The following DMD variants were observed in gnomAD, a reference collection of about 807,000 sequenced individuals.
DMD encodes the protein dystrophin, also known as mutant dystrophin.
DMD carries 63 observed loss-of-function variants against 330.1 expected under a neutral mutation model. The ratio of observed to expected loss-of-function variants is 0.19; its 90% CI spans 0.16 to 0.24. The LOEUF is 0.24. Among genes scored for constraint, DMD ranks in the 10% least tolerant of loss-of-function variants. DMD has a pLI of 1.00. For synonymous variants in DMD, 1,223 were observed against 959.8 expected, an observed-to-expected ratio of 1.27 and a Z score of -5.07; for missense variants, 3,344 against 2,684.1, an observed-to-expected ratio of 1.25 and a Z score of -5.43.
At chrX:32,428,199 A>G (rs60545338) in intron 29 of DMD, among the ~76,000 whole-genome samples, 23,560 of 110,745 alleles carry the variant, frequency 0.21, 2,471 homozygotes, top group African/African-American at 0.41. Context: ...ATTAACAGGA[A>G]CCAATTAGTT....
chrX:32,878,676 C>G (rs997923936), intron 2 of DMD, among the ~76,000 whole-genome samples: 1 of 110,410 alleles, frequency 9.1e-6, no homozygotes, highest in African/African-American at 3.3e-5. Flanking sequence ...ATTTTTCCAT[C>G]TCTAATCATG....
At position 31,155,852 on chromosome X, in the gene DMD, C is replaced by T. The variant is rs758160299; in HGVS notation, c.10554-8334G>A. ...AAATTGAAAAAAATTAGCCATATGTCGTGACACATGCCTGTAGTCTCAGCT... is the reference window on the plus strand; with the variant it reads ...AAATTGAAAAAAATTAGCCATATGTTGTGACACATGCCTGTAGTCTCAGCT... On this transcript the variant is annotated intron_variant, in intron 74 of 78. Transcript: ENST00000357033. Among the ~76,000 whole-genome samples the T allele has an allele frequency of 5.5e-5, 6 of 109,945 alleles. No homozygotes were observed. In the South Asian group the frequency reaches 1.2e-3, roughly 22 times the overall value.
At position 32,844,789 on chromosome X, in the gene DMD, G is replaced by T. The variant is rs1368237586; in HGVS notation, c.258C>A (p.Asn86Lys). The change falls in exon 4 of 79, where the codon AAC (asparagine) becomes AAA (lysine). Residue 86 changes from asparagine (N) to lysine (K), a missense_variant. Coordinates refer to ENST00000357033, the MANE Select transcript of DMD (RefSeq NM_004006.3). ...NVNKALRVLQ[N>K]NNVDLVNIGS... Reference sequence around the variant, plus strand: ...TGTCCAGGGTACTACTTACATTATTGTTCTGCAAAACCCGCAGTGCCTTGT... The same window carrying T: ...TGTCCAGGGTACTACTTACATTATTTTTCTGCAAAACCCGCAGTGCCTTGT... 1 of 1,207,443 alleles carries T rather than the reference G, an allele frequency of 8.3e-7. No homozygotes were observed. Among genetic ancestry groups the T allele is most frequent in the Non-Finnish European group, 1.1e-6 (1 of 892,877 alleles).
rs146144862 is a variant in DMD at position 31,309,193 on chromosome X, C to T, written c.9224+14405G>A. On this transcript the variant is annotated intron_variant, in intron 62 of 78. Transcript: ENST00000357033. ...GATGCAAAGATGCATAAGGCACAAGCGTTGTCAGAGAGTTTACAGCTGAAC... is the reference window on the plus strand; with the variant it reads ...GATGCAAAGATGCATAAGGCACAAGTGTTGTCAGAGAGTTTACAGCTGAAC... Among the ~76,000 whole-genome samples the T allele has an allele frequency of 2.4e-3, 264 of 111,836 alleles. 2 individuals are homozygous for T. Among genetic ancestry groups the T allele is most frequent in the African/African-American group, 8.2e-3 (253 of 30,818 alleles).
chrX:33,285,702 G>A (rs768503518), intron 1 of DMD, among the ~76,000 whole-genome samples: 3 of 111,728 alleles, frequency 2.7e-5, no homozygotes, highest in South Asian at 7.5e-4. Context: ...CAAGATTGAG[G>A]CCTGATTCAA....
At chrX:32,259,923 T>C (rs2097314962) in intron 43 of DMD, among the ~76,000 whole-genome samples, 1 of 111,451 alleles carries the variant, frequency 9.0e-6, no homozygotes, top group Non-Finnish European at 1.9e-5. Context: ...TCCTTATGGG[T>C]TGGTCAAGAG....
At chrX:31,657,556 T>C (rs775166619) in intron 54 of DMD, among the ~76,000 whole-genome samples, 5 of 111,277 alleles carry the variant, frequency 4.5e-5, no homozygotes, top group African/African-American at 9.8e-5. Flanking sequence ...AATTTTCCCA[T>C]TGGGTGTGTG....
chrX:31,521,583 T>A, intron 55 of DMD, among the ~76,000 whole-genome samples: 1 of 112,142 alleles, frequency 8.9e-6, no homozygotes, highest in Non-Finnish European at 1.9e-5. Context: ...CGAAGAAGCC[T>A]CATGGTGACC....
intron 7 of DMD, among the ~76,000 whole-genome samples, chrX:32,730,473 G>T (rs911494121): frequency 8.9e-6 from 1 of 112,389 alleles, no homozygotes; most frequent in Non-Finnish European, 1.9e-5. Context: ...TTATGAAAAA[G>T]AGTACTTCAA....
At position 33,027,065 on chromosome X, in the gene DMD, G is replaced by A. The variant is rs750921772; in HGVS notation, c.32-6865C>T. Among the ~76,000 whole-genome samples the A allele has an allele frequency of 1.2e-4, 13 of 112,245 alleles. No individual in the cohort carries two copies. The South Asian group carries it at 4.4e-3, about 38-fold the overall frequency. On this transcript the variant is annotated intron_variant, in intron 1 of 78. Coordinates refer to ENST00000357033, the MANE Select transcript of DMD (RefSeq NM_004006.3). ...ATAATGCCTCCTCAAAAATGGCCAC[G>A]TGCTAATCCCTGACATCTGTGAATA... is the stretch of plus-strand genomic sequence containing the variant.
intron 60 of DMD, among the ~76,000 whole-genome samples, chrX:31,396,104 C>G (rs1192494517): frequency 2.7e-5 from 3 of 109,093 alleles, no homozygotes; most frequent in African/African-American, 1.0e-4. Flanking sequence ...TTCTGATACT[C>G]TGATACAGGG....
rs761860307 is a variant in DMD, at chrX:31,356,588, G to A, written c.9085-7954C>T. On this transcript the variant is annotated intron_variant, in intron 60 of 78. Coordinates refer to ENST00000357033, the MANE Select transcript of DMD (RefSeq NM_004006.3). Reference sequence around the variant, plus strand: ...TCTGATGAACTCTGCCATCAAACTGGAAGGCAAGAGAGAACAAAACAGCAA... The same window carrying A: ...TCTGATGAACTCTGCCATCAAACTGAAAGGCAAGAGAGAACAAAACAGCAA... Among the ~76,000 whole-genome samples, 17 of 111,806 alleles carry A rather than the reference G, an allele frequency of 1.5e-4. 1 individual carries two copies. Among genetic ancestry groups the A allele is most frequent in the Admixed American group, 8.6e-4 (9 of 10,517 alleles).
In DMD at chrX:32,491,320, G is replaced by T. The variant is rs754502808; in HGVS notation, c.2579C>A (p.Pro860Gln). ...ENWLKIQPTT[P>Q]SEPTAIKSQL... is the part of the protein sequence containing the mutation. ...ACTTTTAATTGCTGTTGGCTCTGAT[G>T]GGGTGGTGGGTTGGATTTTCAACCA... Residue 860 changes from proline (P) to glutamine (Q), a missense_variant, in exon 20 of 79, where the codon CCA becomes CAA. Physicochemically the swap from Pro to Gln is moderately conservative, Grantham distance 76 (BLOSUM62 -1). Transcript: ENST00000357033. The T allele has an allele frequency of 1.7e-6, 2 of 1,209,534 alleles. No individual in the cohort carries two copies. The highest frequency in any genetic ancestry group is 2.2e-6 in the Non-Finnish European group (2 of 894,900).
intron 44 of DMD, among the ~76,000 whole-genome samples, chrX:32,093,841 T>C (rs777816424): frequency 2.7e-5 from 3 of 110,944 alleles, no homozygotes; most frequent in Non-Finnish European, 3.8e-5. Flanking sequence ...TTTATGACTG[T>C]CAATAAAACC....
At chrX:31,370,109 A>AAG (rs1218391653) in intron 60 of DMD, among the ~76,000 whole-genome samples, 1 of 108,788 alleles carries the variant, frequency 9.2e-6, no homozygotes, top group African/African-American at 3.3e-5. Context: ...AAAAAAAAAA[A>AAG]AAAAAAAGAA....
intron 47 of DMD, among the ~76,000 whole-genome samples, chrX:31,912,421 T>A (rs2094559124): frequency 9.0e-6 from 1 of 111,233 alleles, no homozygotes; most frequent in African/African-American, 3.3e-5. Flanking sequence ...TCTTCAAGCA[T>A]CTCGACAACT....
intron 16 of DMD, among the ~76,000 whole-genome samples, chrX:32,557,666 A>G (rs941793486): frequency 1.8e-5 from 2 of 112,008 alleles, no homozygotes; most frequent in Non-Finnish European, 3.8e-5. Flanking sequence ...CAGGCATGGT[A>G]GCACAAGGCA....
chrX:31,833,853 T>A (rs1302808720), intron 49 of DMD, among the ~76,000 whole-genome samples: 10 of 111,694 alleles, frequency 9.0e-5, no homozygotes, highest in African/African-American at 3.3e-4. Context: ...GTGGACACAC[T>A]AATTATGCAT....
At chrX:31,561,739 T>A (rs2075211697) in intron 55 of DMD, among the ~76,000 whole-genome samples, 1 of 112,491 alleles carries the variant, frequency 8.9e-6, no homozygotes, top group African/African-American at 3.2e-5. Context: ...AGCCCATGTT[T>A]CTTTGTAAAA....
Sources: allele counts gnomAD v4.1 joint callset (sites outside exome capture counted in the v4.1 genomes callset), GRCh38; gene constraint gnomAD v4.1.1; transcripts MANE v1.5; gene names NCBI Gene and HGNC (gene_info 2026-07-23, HGNC 2026-07-21).